RBBP5: variants seen among roughly 807,000 people sequenced by gnomAD.
RBBP5 encodes the protein retinoblastoma-binding protein 5.
A neutral mutation model predicts 72.2 loss-of-function variants in RBBP5; 5 were observed. That is an observed-to-expected ratio of 0.07 (90% confidence interval 0.04 to 0.15). RBBP5 has a LOEUF of 0.15. RBBP5 is among the 10% of genes least tolerant of loss of function. The probability of loss-of-function intolerance (pLI) is 1.00; values close to 1 mark genes in which losing one functional copy is unlikely to be tolerated. For missense variants in RBBP5, 322 were observed against 652.2 expected (o/e 0.49, Z 5.51); for synonymous variants, 209 against 237.2 (o/e 0.88, Z 1.09).
chr1:205,118,237 CA>C (rs1656603414), intron 1 of RBBP5, among the ~76,000 whole-genome samples: 1 of 152,122 alleles, frequency 6.6e-6, no homozygotes, highest in Non-Finnish European at 1.5e-5. Context: ...TATCTTATTT[CA>C]ATGTTTTTCA....
chr1:205,097,034 A>G (rs994849589), intron 11 of RBBP5, 123 bp from the exon 12 acceptor site: 1 of 849,306 alleles, frequency 1.2e-6, no homozygotes, highest in Non-Finnish European at 1.8e-6. Context: ...AACTTTAAGA[A>G]AGCCAAGAAG....
intron 1 of RBBP5, among the ~76,000 whole-genome samples, chr1:205,120,609 C>T (rs1020660651): frequency 6.6e-6 from 1 of 152,180 alleles, no homozygotes; most frequent in Middle Eastern, 3.4e-3. Flanking sequence ...CAGTGAAACC[C>T]CATCTCTGCT....
rs755223800 is a variant in RBBP5 at position 205,098,972 on chromosome 1, C to T, written c.1096+17G>A. 6.8e-7 allele frequency: 1 copy of T among 1,462,556 alleles called. No individual in the cohort carries two copies. The highest frequency in any genetic ancestry group is 1.3e-5 in the South Asian group (1 of 74,422). 90.6% of individuals were successfully genotyped at this position (1,462,556 alleles called of 1,614,324 possible). A position where few individuals can be genotyped will look rare whatever the true frequency, so the allele number is the denominator to read the frequency against. ...TTTTCCCTTTAGGAAATCCTGTCTG[C>T]AATTTAGAAATAGTACCTGTCTGCT... On this transcript the variant is annotated intron_variant, in intron 10 of 13. Transcript: ENST00000264515.
At chr1:205,093,580 G>GTA (rs1258456555) in intron 13 of RBBP5, among the ~76,000 whole-genome samples, 2 of 107,188 alleles carry the variant, frequency 1.9e-5, no homozygotes, top group Non-Finnish European at 3.8e-5. Context: ...AGCATTATAT[G>GTA]TATATATACA....
At chr1:205,111,492 A>G (rs1489834723) in intron 3 of RBBP5, among the ~76,000 whole-genome samples, 1 of 152,212 alleles carries the variant, frequency 6.6e-6, no homozygotes, top group Admixed American at 6.5e-5. Context: ...CAAATCTTCC[A>G]TTAATGAGTA....
At chr1:205,094,210 A>G (rs2102263954) in intron 13 of RBBP5, among the ~76,000 whole-genome samples, 1 of 152,346 alleles carries the variant, frequency 6.6e-6, no homozygotes, top group African/African-American at 2.4e-5. Context: ...GTGTTAAGAA[A>G]CTACACAGAT....
chr1:205,089,610 A>T (rs557411890), intron 13 of RBBP5, among the ~76,000 whole-genome samples: 7 of 152,310 alleles, frequency 4.6e-5, no homozygotes, highest in African/African-American at 1.4e-4. Flanking sequence ...CATTTATATA[A>T]CTTTGATTTT....
chr1:205,100,149 T>C lies in RBBP5; in HGVS notation c.752+3A>G, dbSNP rs768846188. On this transcript the variant is annotated splice_donor_region_variant and intron_variant, in intron 7 of 13. Coordinates refer to ENST00000264515, the MANE Select transcript of RBBP5 (RefSeq NM_005057.4). ...ACATATTCTTCTAGGTTGTGATACA[T>C]ACCTATTCACCAAATCCTGCAATTT... The C allele has an allele frequency of 2.3e-5, 37 of 1,614,126 alleles. No homozygotes were observed. Among genetic ancestry groups the C allele is most frequent in the East Asian group, 4.5e-5 (2 of 44,908 alleles).
At chr1:205,116,857 T>C (rs1056965234) in intron 1 of RBBP5, among the ~76,000 whole-genome samples, 1 of 152,128 alleles carries the variant, frequency 6.6e-6, no homozygotes, top group East Asian at 1.9e-4. Context: ...AGTCAATTCA[T>C]ATCAGTCAAA....
chr1:205,103,687 C>T (rs764855597), intron 5 of RBBP5, among the ~76,000 whole-genome samples, 170 bp downstream of exon 5: 1 of 152,032 alleles, frequency 6.6e-6, no homozygotes, highest in Non-Finnish European at 1.5e-5. Context: ...CACTCTAAAT[C>T]CAAAGAACAA....
chr1:205,088,675 T>C lies in RBBP5; in HGVS notation c.*112A>G. The C allele has an allele frequency of 9.1e-7, 1 of 1,095,482 alleles. No individual in the cohort carries two copies. Among genetic ancestry groups the C allele is most frequent in the East Asian group, 2.6e-5 (1 of 38,200 alleles). The allele number at this position is 1,095,482 out of a possible 1,614,324, so 67.9% of individuals were successfully genotyped here. A position where few individuals can be genotyped will look rare whatever the true frequency, so the allele number is the denominator to read the frequency against. On this transcript the variant is annotated 3_prime_UTR_variant, in exon 14 of 14. Transcript: ENST00000264515. ...AAAATTCACCCTCCCACCTCCTGGG[T>C]GGGAGGCACAGGCCTTTGTTTTAAA...
intron 13 of RBBP5, among the ~76,000 whole-genome samples, chr1:205,093,556 A>ACACACACACACG (rs1655490422): frequency 8.1e-6 from 1 of 123,160 alleles, no homozygotes; most frequent in African/African-American, 3.4e-5. Context: ...ACACACACAC[A>ACACACACACACG]CACACACACA....
chr1:205,109,603 T>C (rs1656225005), intron 3 of RBBP5, among the ~76,000 whole-genome samples: 1 of 152,080 alleles, frequency 6.6e-6, no homozygotes, highest in Non-Finnish European at 1.5e-5. Flanking sequence ...AACCTACTGC[T>C]ACTGCACTAT....
intron 1 of RBBP5, among the ~76,000 whole-genome samples, 158 bp downstream of exon 1, chr1:205,121,697 G>A (rs574100114): frequency 2.6e-4 from 39 of 152,294 alleles, no homozygotes; most frequent in African/African-American, 8.9e-4. Flanking sequence ...CGGGCAGAAG[G>A]TGGGCTTCCT....
chr1:205,104,238 G>A (rs1190452234), intron 4 of RBBP5, among the ~76,000 whole-genome samples: 1 of 152,090 alleles, frequency 6.6e-6, no homozygotes, highest in Non-Finnish European at 1.5e-5. Flanking sequence ...AAAAAAGTAA[G>A]AGGCCAGGTG....
In RBBP5 at chr1:205,097,358, G is replaced by A. The variant is rs775173814; in HGVS notation, c.1134C>T (p.Thr378=). The change falls in exon 11 of 14, where the codon ACC becomes ACT. Residue 378 remains threonine (T), a synonymous_variant. Transcript: ENST00000264515. ...AGAAGGCAGCAATAGGGTCCACGCT[G>A]GTGACATCCACTTCCTCATCTTCTG... ...DAAEDEEVDV[T]SVDPIAAFCS... is the part of the protein sequence containing the mutation. 3 of 1,552,380 alleles carry A rather than the reference G, an allele frequency of 1.9e-6. No individual in the cohort carries two copies. The South Asian group carries it at 3.6e-5, about 18-fold the overall frequency.
chr1:205,104,041 A>C, intron 4 of RBBP5, 22 bp from the exon 5 acceptor site: 1 of 1,598,552 alleles, frequency 6.3e-7, no homozygotes. Context: ...TACGAACAGT[A>C]CATTGGCTGT....
At chr1:205,121,219 G>C (rs1253974577) in intron 1 of RBBP5, among the ~76,000 whole-genome samples, 3 of 152,168 alleles carry the variant, frequency 2.0e-5, no homozygotes, top group East Asian at 3.8e-4. Context: ...AGGAGGTAAG[G>C]AGGCAATGAC....
In RBBP5 at chr1:205,121,912, C is replaced by T; in HGVS notation, c.-39G>A. 6.2e-7 allele frequency: 1 copy of T among 1,607,874 alleles called. No homozygotes were observed. The highest frequency in any genetic ancestry group is 8.5e-7 in the Non-Finnish European group (1 of 1,179,882). Reference sequence around the variant, plus strand: ...GGCCGCCCGGTCTCAGCTCCGGCAACAACACCTTCTCCCCGGCCGGCTTCA... The same window carrying T: ...GGCCGCCCGGTCTCAGCTCCGGCAATAACACCTTCTCCCCGGCCGGCTTCA... On this transcript the variant is annotated 5_prime_UTR_variant, in exon 1 of 14. Transcript: ENST00000264515.
Sources: gnomAD v4.1 joint callset for allele counts (sites outside exome capture counted in the v4.1 genomes callset) on GRCh38, gnomAD v4.1.1 for gene constraint, MANE v1.5 for transcripts, NCBI Gene and HGNC (gene_info 2026-07-23, HGNC 2026-07-21) for gene names.